The following CA10 variants were observed in gnomAD, a reference collection of about 807,000 sequenced individuals.
CA10 encodes carbonic anhydrase-related protein 10.
A neutral mutation model predicts 44.2 loss-of-function variants in CA10; 14 were observed. That is an observed-to-expected ratio of 0.32 (90% CI 0.21 to 0.50). The LOEUF is 0.50. CA10 is among the 20% of genes least tolerant of loss of function. CA10 has a pLI of 0.99. For synonymous variants in CA10, 159 were observed against 141.6 expected, an observed-to-expected ratio of 1.12 and a Z score of -0.87; for missense variants, 350 against 409.7, an observed-to-expected ratio of 0.85 and a Z score of 1.26.
At chr17:51,851,116 AC>A (rs1978775133) in intron 3 of CA10, among the ~76,000 whole-genome samples, 1 of 152,136 alleles carries the variant, frequency 6.6e-6, no homozygotes, top group African/African-American at 2.4e-5. Context: ...GGGGTGGCAG[AC>A]CCAGTTCCAA....
intron 3 of CA10, among the ~76,000 whole-genome samples, chr17:51,891,579 A>G (rs1157035409): frequency 6.6e-6 from 1 of 152,236 alleles, no homozygotes; most frequent in Non-Finnish European, 1.5e-5. Flanking sequence ...TTTACTTGGA[A>G]AGTGTTATCA....
At chr17:52,108,179 T>A (rs1309799703) in intron 1 of CA10, among the ~76,000 whole-genome samples, 120 of 134,852 alleles carry the variant, frequency 8.9e-4, no homozygotes, top group Non-Finnish European at 1.3e-3. Flanking sequence ...TAATATATTT[T>A]TATATATATA....
chr17:51,903,109 A>G lies in CA10; in HGVS notation c.279+27881T>C, dbSNP rs568842036. Among the ~76,000 whole-genome samples the G allele has an allele frequency of 2.6e-5, 4 of 152,268 alleles. No individual in the cohort carries two copies. In the South Asian group the frequency reaches 8.3e-4, roughly 32 times the overall value. On this transcript the variant is annotated intron_variant, in intron 3 of 8. Transcript: ENST00000451037. ...TCATCTAGTGGGAAACTTAAGATTG[A>G]CCAAATGATTATACAGACGTACATT...
chr17:52,053,231 TA>T (rs1338207574), intron 2 of CA10, among the ~76,000 whole-genome samples: 1 of 152,028 alleles, frequency 6.6e-6, no homozygotes, highest in Non-Finnish European at 1.5e-5. Flanking sequence ...ACCCTCTCAT[TA>T]AAAGTAGGGG....
At chr17:51,754,191 G>C (rs151215332) in intron 3 of CA10, among the ~76,000 whole-genome samples, 46 of 151,676 alleles carry the variant, frequency 3.0e-4, no homozygotes, top group African/African-American at 1.0e-3. Context: ...TCTTCAAGAG[G>C]TGGGTTGAGA....
intron 3 of CA10, among the ~76,000 whole-genome samples, chr17:51,864,118 A>T (rs1232891262): frequency 6.6e-6 from 1 of 152,288 alleles, no homozygotes; most frequent in East Asian, 1.9e-4. Context: ...GCCCACCATG[A>T]GTCACCTCAT....
intron 5 of CA10, among the ~76,000 whole-genome samples, chr17:51,650,824 G>T (rs1913535689): frequency 6.6e-6 from 1 of 152,180 alleles, no homozygotes; most frequent in African/African-American, 2.4e-5. Flanking sequence ...ATTTTGAGCT[G>T]ATTAAAAATA....
chr17:52,034,262 G>A (rs1054034161), intron 2 of CA10, among the ~76,000 whole-genome samples: 3 of 152,152 alleles, frequency 2.0e-5, no homozygotes, highest in African/African-American at 7.2e-5. Flanking sequence ...ATAGGTTTAT[G>A]GCATAGATTG....
At chr17:52,027,795 A>G (rs1460522068) in intron 2 of CA10, among the ~76,000 whole-genome samples, 1 of 152,152 alleles carries the variant, frequency 6.6e-6, no homozygotes, top group African/African-American at 2.4e-5. Context: ...TTTTCAGATG[A>G]GAAAGCTGTG....
At chr17:51,730,977 C>A (rs546424312) in intron 4 of CA10, among the ~76,000 whole-genome samples, 2 of 151,908 alleles carry the variant, frequency 1.3e-5, no homozygotes, top group Non-Finnish European at 2.9e-5. Context: ...TTGTTATAGA[C>A]CAATCTCCTT....
chr17:51,698,850 C>A (rs1915489669), intron 4 of CA10, among the ~76,000 whole-genome samples: 1 of 152,164 alleles, frequency 6.6e-6, no homozygotes, highest in Admixed American at 6.5e-5. Context: ...AGCCTAATGT[C>A]TTCCAGGTTC....
At chr17:51,908,211 A>G (rs1293021759) in intron 3 of CA10, among the ~76,000 whole-genome samples, 1 of 152,144 alleles carries the variant, frequency 6.6e-6, no homozygotes, top group Non-Finnish European at 1.5e-5. Context: ...TGAAACTTGC[A>G]GTTAGTTAAG....
intron 4 of CA10, among the ~76,000 whole-genome samples, chr17:51,695,153 C>T (rs1367180578): frequency 3.9e-5 from 6 of 152,072 alleles, no homozygotes; most frequent in Non-Finnish European, 8.8e-5. Flanking sequence ...TTTTTTGGTT[C>T]CATATGAATT....
intron 3 of CA10, among the ~76,000 whole-genome samples, chr17:51,828,049 TC>T (rs1908094452): frequency 6.6e-6 from 1 of 152,172 alleles, no homozygotes; most frequent in Non-Finnish European, 1.5e-5. Flanking sequence ...ACTACACCCC[TC>T]TTCCCATTGC....
At chr17:52,083,454 T>C (rs887023172) in intron 1 of CA10, among the ~76,000 whole-genome samples, 1 of 152,134 alleles carries the variant, frequency 6.6e-6, no homozygotes. Flanking sequence ...ACAAATGCAG[T>C]TTTTTAAATA....
intron 3 of CA10, among the ~76,000 whole-genome samples, chr17:51,845,401 C>T (rs1978449007): frequency 6.6e-6 from 1 of 152,186 alleles, no homozygotes; most frequent in South Asian, 2.1e-4. Flanking sequence ...GGAACTGAGC[C>T]TTCTGCCATG....
chr17:52,159,448 C>T (rs1989895463), upstream of CA10: 1 of 152,230 alleles, frequency 6.6e-6, no homozygotes, highest in Admixed American at 6.5e-5. Context: ...ATTGGAAACC[C>T]GGGCTTTAGA....
intron 4 of CA10, among the ~76,000 whole-genome samples, chr17:51,711,059 A>C (rs1323393293): frequency 6.6e-6 from 1 of 151,754 alleles, no homozygotes; most frequent in African/African-American, 2.4e-5. Context: ...TAAATGGTTC[A>C]GTAAACTTGA....
intron 3 of CA10, among the ~76,000 whole-genome samples, chr17:51,829,419 CA>C (rs1262760891): frequency 6.6e-6 from 1 of 152,124 alleles, no homozygotes; most frequent in Non-Finnish European, 1.5e-5. Context: ...CATGGGGGTT[CA>C]AAAGATTACC....
Sources: gnomAD v4.1 joint callset for allele counts (sites outside exome capture counted in the v4.1 genomes callset) on GRCh38, gnomAD v4.1.1 for gene constraint, MANE v1.5 for transcripts, NCBI Gene and HGNC (gene_info 2026-07-23, HGNC 2026-07-21) for gene names.